Variants in PRPF18 observed in about 807,000 individuals in gnomAD.
The protein encoded by PRPF18 is pre-mRNA processing factor 18.
Under a neutral mutation model 46.5 loss-of-function variants are expected in PRPF18, and 38 were observed. The observed-to-expected ratio is 0.82, with a 90% CI of 0.63 to 1.07. The LOEUF is 1.07. Ranked by LOEUF, PRPF18 falls within the 50% of genes least tolerant of loss-of-function variation. The pLI is 0.00. For missense variants in PRPF18, 263 were observed against 410.0 expected (o/e 0.64, Z 3.10); for synonymous variants, 152 against 146.7 (o/e 1.04, Z -0.26).
chr10:13,593,724 G>A (rs1038383506), intron 1 of PRPF18, among the ~76,000 whole-genome samples: 2 of 152,164 alleles, frequency 1.3e-5, no homozygotes, highest in Admixed American at 6.5e-5. Flanking sequence ...AGGGTTCTCT[G>A]TTTCACTGTG....
At chr10:13,653,928 T>C in the PRPF18 span, 3 of 189,180 alleles carry the variant, frequency 1.6e-5, no homozygotes, top group Non-Finnish European at 3.2e-5. Context: ...CTGATCTCTT[T>C]TGTGTGTTGA....
chr10:13,602,720 A>G (rs988843726), intron 3 of PRPF18, among the ~76,000 whole-genome samples: 9 of 152,110 alleles, frequency 5.9e-5, no homozygotes, highest in African/African-American at 1.9e-4. Context: ...TCACTTACAT[A>G]TTTTAGAATT....
chr10:13,595,193 C>T (rs1208280148), intron 1 of PRPF18, among the ~76,000 whole-genome samples: 3 of 151,968 alleles, frequency 2.0e-5, no homozygotes, highest in African/African-American at 2.4e-5. Flanking sequence ...ACAATGAAAA[C>T]GGGGCACATA....
At chr10:13,592,230 G>A in intron 1 of PRPF18, 1 of 584,438 alleles carries the variant, frequency 1.7e-6, no homozygotes, top group Non-Finnish European at 3.2e-6. Flanking sequence ...TTAGCCTTGA[G>A]GTGACCCTTT....
chr10:13,602,579 T>C (rs1022778882), intron 3 of PRPF18, among the ~76,000 whole-genome samples: 6 of 151,910 alleles, frequency 3.9e-5, no homozygotes, highest in African/African-American at 1.4e-4. Flanking sequence ...AACAAAGATA[T>C]ATTAATTTTT....
At chr10:13,616,353 A>G (rs1345619521) in intron 8 of PRPF18, 45 bp from the exon 9 acceptor site, 1 of 1,541,586 alleles carries the variant, frequency 6.5e-7, no homozygotes, top group Non-Finnish European at 8.9e-7. Flanking sequence ...TTGAGCCAGT[A>G]CAACATTTTC....
chr10:13,655,900 G>A, the PRPF18 span: 1 of 152,132 alleles, frequency 6.6e-6, no homozygotes, highest in Admixed American at 6.5e-5. Flanking sequence ...GTTGGTCATT[G>A]TCACTGTTAT....
chr10:13,633,725 C>G (rs1343329400), downstream of PRPF18, among the ~76,000 whole-genome samples: 1 of 152,190 alleles, frequency 6.6e-6, no homozygotes, highest in Non-Finnish European at 1.5e-5. Flanking sequence ...TGGATTGTGC[C>G]TCCTCCTTCC....
chr10:13,613,600 A>C, intron 6 of PRPF18, 141 bp from the exon 7 acceptor site: 4 of 906,782 alleles, frequency 4.4e-6, no homozygotes, highest in Non-Finnish European at 6.6e-6. Flanking sequence ...GAACTAGCTT[A>C]TTCTATATTA....
chr10:13,649,173 A>G, the PRPF18 span: 5 of 152,234 alleles, frequency 3.3e-5, no homozygotes, highest in African/African-American at 1.2e-4. Context: ...GGTTGAAACT[A>G]TTAAAGTTGA....
At chr10:13,649,865 A>C in the PRPF18 span, among the ~76,000 whole-genome samples, 4 of 152,234 alleles carry the variant, frequency 2.6e-5, no homozygotes, top group East Asian at 7.7e-4. Flanking sequence ...TAGTTGCCCT[A>C]GTAAAAACCT....
At chr10:13,616,629 CA>C in intron 9 of PRPF18, 76 bp downstream of exon 9, 1 of 1,552,662 alleles carries the variant, frequency 6.4e-7, no homozygotes, top group Non-Finnish European at 8.8e-7. Flanking sequence ...GTCTGGAAAG[CA>C]GGCAGAGAAT....
At chr10:13,587,880 C>T (rs773028318) in intron 1 of PRPF18, among the ~76,000 whole-genome samples, 13 of 152,156 alleles carry the variant, frequency 8.5e-5, no homozygotes, top group African/African-American at 1.2e-4. Flanking sequence ...GCCAAGGACC[C>T]GGGCAACTTA....
the PRPF18 span, chr10:13,643,477 A>G: frequency 2.0e-5 from 3 of 152,308 alleles, no homozygotes; most frequent in African/African-American, 7.2e-5. Context: ...AGACAATATT[A>G]TCTTGCACAG....
At chr10:13,650,696 T>C in the PRPF18 span, among the ~76,000 whole-genome samples, 1 of 152,274 alleles carries the variant, frequency 6.6e-6, no homozygotes, top group East Asian at 1.9e-4. Context: ...TCTGTCAACT[T>C]TGCAATATTG....
intron 1 of PRPF18, among the ~76,000 whole-genome samples, chr10:13,593,599 A>G (rs528635682): frequency 6.6e-6 from 1 of 152,336 alleles, no homozygotes; most frequent in East Asian, 1.9e-4. Flanking sequence ...GTCAAGAGCC[A>G]GTAGAGAGGG....
At chr10:13,595,121 G>T (rs956844551) in intron 1 of PRPF18, among the ~76,000 whole-genome samples, 4 of 152,298 alleles carry the variant, frequency 2.6e-5, no homozygotes, top group African/African-American at 9.6e-5. Context: ...GCTGATGCCA[G>T]TAGTCCCCCT....
intron 2 of PRPF18, 99 bp downstream of exon 2, chr10:13,597,634 A>C (rs530162131): frequency 3.7e-6 from 6 of 1,604,984 alleles, no homozygotes; most frequent in Non-Finnish European, 5.1e-6. Context: ...CAATTTATCA[A>C]TATACGTTAG....
At chr10:13,628,006 A>C (rs188272682) in intron 9 of PRPF18, among the ~76,000 whole-genome samples, 8 of 152,104 alleles carry the variant, frequency 5.3e-5, no homozygotes. Context: ...GCTATCATCT[A>C]TATTTCCATG....
Sources: gnomAD v4.1 joint callset for allele counts (sites outside exome capture counted in the v4.1 genomes callset) on GRCh38, gnomAD v4.1.1 for gene constraint, MANE v1.5 for transcripts, NCBI Gene and HGNC (gene_info 2026-07-23, HGNC 2026-07-21) for gene names.